ARL15: variants seen among roughly 807,000 people sequenced by gnomAD.
ARL15 encodes the protein ADP-ribosylation factor-like protein 15.
A neutral mutation model predicts 25.2 loss-of-function variants in ARL15; 19 were observed. The ratio of observed to expected loss-of-function variants is 0.75; its 90% CI spans 0.53 to 1.10. The LOEUF is 1.10. Among genes scored for constraint, ARL15 ranks in the 50% least tolerant of loss-of-function variants. The pLI, the probability that ARL15 is intolerant of heterozygous loss-of-function variation, is 0.00. For missense variants in ARL15, 220 were observed against 246.0 expected (o/e 0.89, Z 0.71); for synonymous variants, 94 against 86.8 (o/e 1.08, Z -0.46).
intron 4 of ARL15, among the ~76,000 whole-genome samples, chr5:53,951,847 ATTTT>A (rs59369848): frequency 2.0e-5 from 2 of 98,238 alleles, no homozygotes; most frequent in African/African-American, 7.7e-5. Context: ...ACATAAAAGA[ATTTT>A]TTTTTTTTTT....
intron 4 of ARL15, among the ~76,000 whole-genome samples, chr5:53,898,242 T>G (rs1185803724): frequency 6.6e-6 from 1 of 152,176 alleles, no homozygotes; most frequent in East Asian, 1.9e-4. Flanking sequence ...TGAGAGATTT[T>G]TGCATCTATA....
At chr5:54,087,959 A>C (rs1177241966) in intron 4 of ARL15, among the ~76,000 whole-genome samples, 1 of 152,248 alleles carries the variant, frequency 6.6e-6, no homozygotes, top group Non-Finnish European at 1.5e-5. Context: ...TATAGGCGTG[A>C]GCCACTGTGC....
intron 1 of ARL15, among the ~76,000 whole-genome samples, chr5:54,299,091 G>C (rs540517374): frequency 6.6e-6 from 1 of 151,884 alleles, no homozygotes; most frequent in Non-Finnish European, 1.5e-5. Flanking sequence ...TGTAGAGACA[G>C]GGGTCTCACT....
At chr5:54,078,844 A>G (rs887525669) in intron 4 of ARL15, among the ~76,000 whole-genome samples, 3 of 152,208 alleles carry the variant, frequency 2.0e-5, no homozygotes, top group African/African-American at 7.2e-5. Flanking sequence ...TAAAATAATC[A>G]TTAAATTTTA....
chr5:53,913,000 T>C lies in ARL15; in HGVS notation c.463-26287A>G, dbSNP rs142993679. 2.4e-4 allele frequency among the ~76,000 whole-genome samples: 37 copies of C among 152,182 alleles called. No individual in the cohort carries two copies. In the East Asian group the frequency reaches 6.8e-3, roughly 28 times the overall value. On this transcript the variant is annotated intron_variant, in intron 4 of 4. Transcript: ENST00000504924. Reference sequence around the variant, plus strand: ...AGGAAGATGCATGGGAAGTCTACAGTTCAAAACAGGGTGGTCAGGCCAGGC... The same window carrying C: ...AGGAAGATGCATGGGAAGTCTACAGCTCAAAACAGGGTGGTCAGGCCAGGC...
At chr5:53,985,712 C>T (rs1031050695) in intron 4 of ARL15, among the ~76,000 whole-genome samples, 4 of 152,156 alleles carry the variant, frequency 2.6e-5, no homozygotes, top group African/African-American at 4.8e-5. Flanking sequence ...TCTATTCATC[C>T]GCTGATGGAT....
chr5:53,920,989 G>A (rs1459102115), intron 4 of ARL15, among the ~76,000 whole-genome samples: 3 of 152,140 alleles, frequency 2.0e-5, no homozygotes, highest in African/African-American at 7.2e-5. Flanking sequence ...CTAGAGGAGA[G>A]CAGAACAAGA....
At chr5:54,008,370 T>G (rs1749116462) in intron 4 of ARL15, among the ~76,000 whole-genome samples, 1 of 152,248 alleles carries the variant, frequency 6.6e-6, no homozygotes, top group African/African-American at 2.4e-5. Context: ...AATGCATTAT[T>G]AAAATGGTGC....
At chr5:54,095,932 A>T (rs570736296) in intron 4 of ARL15, among the ~76,000 whole-genome samples, 1 of 152,332 alleles carries the variant, frequency 6.6e-6, no homozygotes, top group African/African-American at 2.4e-5. Flanking sequence ...TTTTAAAAAA[A>T]TTTAATGACA....
intron 3 of ARL15, among the ~76,000 whole-genome samples, chr5:54,146,582 G>T (rs1390075218): frequency 1.3e-5 from 2 of 152,074 alleles, no homozygotes; most frequent in Admixed American, 1.3e-4. Context: ...GCAATCCCTG[G>T]GAGAAACAAA....
intron 4 of ARL15, among the ~76,000 whole-genome samples, chr5:53,953,882 G>C (rs1008086968): frequency 6.6e-6 from 1 of 152,032 alleles, no homozygotes. Flanking sequence ...AATTATCTAT[G>C]ATCACTTAAA....
intron 1 of ARL15, among the ~76,000 whole-genome samples, chr5:54,280,251 A>G (rs918557953): frequency 1.3e-5 from 2 of 152,040 alleles, no homozygotes; most frequent in Non-Finnish European, 2.9e-5. Flanking sequence ...ACATTCCCCA[A>G]CTTGCATTCA....
chr5:54,261,102 A>G (rs1363207278), intron 1 of ARL15, among the ~76,000 whole-genome samples: 1 of 152,180 alleles, frequency 6.6e-6, no homozygotes, highest in Non-Finnish European at 1.5e-5. Flanking sequence ...GAATGTCAGA[A>G]GGTAACTTCA....
intron 1 of ARL15, among the ~76,000 whole-genome samples, chr5:54,212,024 G>A (rs75461819): frequency 0.039 from 5,883 of 152,118 alleles, 395 homozygotes; most frequent in African/African-American, 0.14. Context: ...ATTCATGTTA[G>A]GTGCTTTAAA....
At chr5:54,139,435 T>C (rs1429157985) in intron 3 of ARL15, among the ~76,000 whole-genome samples, 1 of 152,204 alleles carries the variant, frequency 6.6e-6, no homozygotes, top group African/African-American at 2.4e-5. Context: ...ATACTATATG[T>C]TCTTAGTTAT....
chr5:54,221,818 G>C (rs1436105306), intron 1 of ARL15, among the ~76,000 whole-genome samples: 2 of 130,080 alleles, frequency 1.5e-5, no homozygotes, highest in African/African-American at 6.0e-5. Flanking sequence ...TATTTGGCAA[G>C]AAACATGCAC....
intron 1 of ARL15, among the ~76,000 whole-genome samples, chr5:54,223,083 A>T (rs1756422881): frequency 6.6e-6 from 1 of 151,252 alleles, no homozygotes; most frequent in Non-Finnish European, 1.5e-5. Flanking sequence ...CGGCAAGGAG[A>T]CAAGTTACTT....
chr5:54,029,333 T>TACCACCACCACCACCACCACTACCACC (rs1749893759), intron 4 of ARL15, among the ~76,000 whole-genome samples: 2 of 94,686 alleles, frequency 2.1e-5, no homozygotes, highest in African/African-American at 8.8e-5. Context: ...CCACCACCAC[T>TACCACCACCACCACCACCACTACCACC]ACCACCACCA....
chr5:54,255,768 G>C (rs9292043), intron 1 of ARL15, among the ~76,000 whole-genome samples: 19,926 of 151,956 alleles, frequency 0.13, 2,207 homozygotes, highest in African/African-American at 0.3. Flanking sequence ...ACTTTCAAAC[G>C]CTCAAAACTA....
Sources: gnomAD v4.1 joint callset for allele counts (sites outside exome capture counted in the v4.1 genomes callset) on GRCh38, gnomAD v4.1.1 for gene constraint, MANE v1.5 for transcripts, NCBI Gene and HGNC (gene_info 2026-07-23, HGNC 2026-07-21) for gene names.